ASAH1: variants seen among roughly 807,000 people sequenced by gnomAD.
The protein encoded by ASAH1 is acid ceramidase.
ASAH1 carries 70 observed loss-of-function variants against 59.5 expected under a neutral mutation model. That is an observed-to-expected ratio of 1.18 (90% CI 0.97 to 1.43). The LOEUF (loss-of-function observed/expected upper bound fraction) is 1.43. Ranked by LOEUF, ASAH1 falls within the 40% of genes most tolerant of loss-of-function variation. The probability of loss-of-function intolerance (pLI) is 0.00; values close to 1 mark genes in which losing one functional copy is unlikely to be tolerated. For synonymous variants in ASAH1, 213 were observed against 166.5 expected (o/e 1.28, Z -2.15); for missense variants, 660 against 482.5 (o/e 1.37, Z -3.45).
In ASAH1 at chr8:18,056,477, T is replaced by A. The variant is rs766907062; in HGVS notation, c.*1057A>T. ...CTCTTTCCAGTGACTGTTTATTGAG[T>A]GTCAGGAACACAACTGTGATTATAC... On this transcript the variant is annotated 3_prime_UTR_variant, in exon 14 of 14. Transcript: ENST00000637790. The A allele has an allele frequency of 6.6e-6, 1 of 152,190 alleles. No homozygotes were observed. Among genetic ancestry groups the A allele is most frequent in the Non-Finnish European group, 1.5e-5 (1 of 68,048 alleles). 9.4% of individuals were successfully genotyped at this position (152,190 alleles called of 1,614,324 possible). A position where few individuals can be genotyped will look rare whatever the true frequency, so the allele number is the denominator to read the frequency against.
intron 2 of ASAH1, among the ~76,000 whole-genome samples, chr8:18,072,776 C>T (rs1348298492): frequency 6.6e-6 from 1 of 152,106 alleles, no homozygotes; most frequent in Non-Finnish European, 1.5e-5. Flanking sequence ...ACTAGTCTCC[C>T]CTCTCCCTTC....
chr8:18,067,149 A>G (rs1799963108), intron 5 of ASAH1, 71 bp downstream of exon 5: 5 of 1,376,914 alleles, frequency 3.6e-6, no homozygotes, highest in Admixed American at 2.0e-5. Context: ...CTGTATGTAT[A>G]TCACACCTCA....
chr8:18,071,612 T>C (rs1344746800), intron 2 of ASAH1, among the ~76,000 whole-genome samples: 1 of 152,128 alleles, frequency 6.6e-6, no homozygotes, highest in African/African-American at 2.4e-5. Context: ...AATGATCTAG[T>C]AGGGAAGGTT....
At position 18,064,437 on chromosome 8, in the gene ASAH1, C is replaced by G; in HGVS notation, c.457+20G>C. ...TATGTAGTGCTTCATGCTGCCCACCCTCCCTCAGCGCACAATTACCTTTTT... is the reference window on the plus strand; with the variant it reads ...TATGTAGTGCTTCATGCTGCCCACCGTCCCTCAGCGCACAATTACCTTTTT... On this transcript the variant is annotated intron_variant, in intron 6 of 13. Transcript: ENST00000637790. The G allele has an allele frequency of 1.6e-5, 24 of 1,470,078 alleles. No homozygotes were observed. The highest frequency in any genetic ancestry group is 2.0e-5 in the Non-Finnish European group (21 of 1,051,834). The allele number at this position is 1,470,078 out of a possible 1,614,324, so 91.1% of individuals were successfully genotyped here.
At chr8:18,068,555 G>C (rs1038898656) in intron 4 of ASAH1, 5 of 152,316 alleles carry the variant, frequency 3.3e-5, no homozygotes, top group Admixed American at 6.5e-5. Context: ...TCAGCCGCTA[G>C]GGCAATGATT....
chr8:18,073,800 T>C (rs900516253), intron 2 of ASAH1, among the ~76,000 whole-genome samples: 3 of 152,126 alleles, frequency 2.0e-5, no homozygotes, highest in African/African-American at 4.8e-5. Flanking sequence ...TCAAGATCCA[T>C]TGATAGAGTT....
rs1185240848 is a variant in ASAH1, at chr8:18,070,433, C to T, written c.217-555G>A. Among the ~76,000 whole-genome samples, 4 of 152,090 alleles carry T rather than the reference C, an allele frequency of 2.6e-5. No homozygotes were observed. The South Asian group carries it at 8.3e-4, about 32-fold the overall frequency. On this transcript the variant is annotated intron_variant, in intron 3 of 13. Transcript: ENST00000637790. ...AAAGTGCTGGGATTACAGGCATGAG[C>T]CACCGCGCCTGGCCTAATTTTTGTA... is the stretch of plus-strand genomic sequence containing the variant.
In ASAH1 at chr8:18,064,542, A is replaced by G; in HGVS notation, c.383-11T>C. 1.4e-6 allele frequency: 2 copies of G among 1,468,054 alleles called. No individual in the cohort carries two copies. The highest frequency in any genetic ancestry group is 1.4e-5 in the African/African-American group (1 of 71,044). 90.9% of individuals were successfully genotyped at this position (1,468,054 alleles called of 1,614,324 possible). ...ATGAAATAATCTCTCCTATGAGAAA[A>G]GAAAATTTTGTGTTAATATACAGAA... On this transcript the variant is annotated splice_polypyrimidine_tract_variant and intron_variant, in intron 5 of 13. Transcript: ENST00000637790.
intron 2 of ASAH1, among the ~76,000 whole-genome samples, chr8:18,074,961 A>G (rs141291082): frequency 2.6e-5 from 4 of 151,884 alleles, no homozygotes; most frequent in East Asian, 1.9e-4. Context: ...AAAACCCTTC[A>G]TGGTAGACAG....
At chr8:18,067,354 T>C (rs1435093199) in intron 4 of ASAH1, 56 bp from the exon 5 acceptor site, 9 of 1,032,306 alleles carry the variant, frequency 8.7e-6, no homozygotes, top group Admixed American at 7.2e-5. Context: ...AAAAAATATA[T>C]AATATAATAT....
intron 3 of ASAH1, 65 bp downstream of exon 3, chr8:18,071,234 TA>T: frequency 1.2e-6 from 1 of 863,338 alleles, no homozygotes; most frequent in Non-Finnish European, 1.5e-6. Context: ...AATCAATAAA[TA>T]AAAATAAAGA....
chr8:18,069,497 A>G (rs4921832), intron 4 of ASAH1: 127,587 of 307,746 alleles, frequency 0.41, 28,009 homozygotes, highest in Admixed American at 0.52. Context: ...CAAGTCTTCA[A>G]TAGTGAACTC....
chr8:18,079,815 C>T (rs1247638989), intron 1 of ASAH1, among the ~76,000 whole-genome samples: 2 of 152,170 alleles, frequency 1.3e-5, no homozygotes, highest in African/African-American at 4.8e-5. Context: ...TACAACTCAG[C>T]AGAAACACTG....
In ASAH1 at chr8:18,083,965, G is replaced by A. The variant is rs772743433; in HGVS notation, c.78+16C>T. ...CCTGCACGCCCCTCTCTGCGCCTCGGCTCAAGCTCACTCACCGGCGGCGCG... is the reference window on the plus strand; with the variant it reads ...CCTGCACGCCCCTCTCTGCGCCTCGACTCAAGCTCACTCACCGGCGGCGCG... On this transcript the variant is annotated intron_variant, in intron 1 of 13. Transcript: ENST00000637790. The A allele has an allele frequency of 2.0e-5, 32 of 1,596,464 alleles. No homozygotes were observed. Among genetic ancestry groups the A allele is most frequent in the Non-Finnish European group, 6.8e-6 (8 of 1,178,914 alleles).
Position 18,084,086 on chromosome 8 carries a change from G to C in ASAH1, c.-28C>G, listed in dbSNP as rs375978966. On this transcript the variant is annotated 5_prime_UTR_variant, in exon 1 of 14. Transcript: ENST00000637790. ...CTCTAGCAGCCAACGCCACTCCCCG[G>C]ACTCCAGCAGAGGCAAAGAAGAGCC... is the stretch of plus-strand genomic sequence containing the variant. 1.3e-6 allele frequency: 2 copies of C among 1,597,594 alleles called. No homozygotes were observed. The highest frequency in any genetic ancestry group is 1.3e-5 in the African/African-American group (1 of 74,898).
At chr8:18,067,082 C>A (rs1258939846) in intron 5 of ASAH1, 138 bp downstream of exon 5, 6 of 200,646 alleles carry the variant, frequency 3.0e-5, no homozygotes, top group African/African-American at 5.7e-5. Flanking sequence ...CTTCACTGAG[C>A]TGTATATCTA....
intron 3 of ASAH1, among the ~76,000 whole-genome samples, chr8:18,070,437 C>T (rs1447186235): frequency 3.3e-5 from 5 of 152,038 alleles, no homozygotes; most frequent in Non-Finnish European, 5.9e-5. Flanking sequence ...CATGAGCCAC[C>T]GCGCCTGGCC....
intron 1 of ASAH1, among the ~76,000 whole-genome samples, chr8:18,077,016 A>G (rs1389710310): frequency 6.6e-6 from 1 of 152,226 alleles, no homozygotes; most frequent in East Asian, 1.9e-4. Context: ...ATTCGTGTTC[A>G]GTAATAGTGG....
upstream of ASAH1, chr8:18,084,351 G>C (rs1800803266): frequency 2.1e-6 from 3 of 1,413,046 alleles, no homozygotes; most frequent in Non-Finnish European, 2.8e-6. Context: ...CCCCACCGCG[G>C]GCAATAGTCG....
Sources: allele counts gnomAD v4.1 joint callset (sites outside exome capture counted in the v4.1 genomes callset), GRCh38; gene constraint gnomAD v4.1.1; transcripts MANE v1.5; gene names NCBI Gene and HGNC (gene_info 2026-07-23, HGNC 2026-07-21).